The following RALGAPA1 variants were observed in gnomAD, a reference collection of about 807,000 sequenced individuals.
RALGAPA1 encodes ral GTPase-activating protein subunit alpha-1.
RALGAPA1 carries 52 observed loss-of-function variants against 269.6 expected under a neutral mutation model. The ratio of observed to expected loss-of-function variants is 0.19; its 90% CI spans 0.15 to 0.24. The LOEUF (loss-of-function observed/expected upper bound fraction) is 0.24. Among genes scored for constraint, RALGAPA1 ranks in the 10% least tolerant of loss-of-function variants. RALGAPA1 has a pLI of 1.00. For synonymous variants in RALGAPA1, 817 were observed against 1,008.3 expected (o/e 0.81, Z 3.60); for missense variants, 1,917 against 3,013.9 (o/e 0.64, Z 8.52).
intron 16 of RALGAPA1, among the ~76,000 whole-genome samples, chr14:35,705,256 C>T (rs915899932): frequency 6.6e-6 from 1 of 152,092 alleles, no homozygotes; most frequent in Non-Finnish European, 1.5e-5. Context: ...CACATATATA[C>T]CATTACAAGT....
intron 13 of RALGAPA1, among the ~76,000 whole-genome samples, chr14:35,726,421 A>G (rs1196093729): frequency 1.3e-5 from 2 of 152,222 alleles, no homozygotes; most frequent in African/African-American, 2.4e-5. Flanking sequence ...CTGTCAAACC[A>G]TAACTCACTC....
intron 1 of RALGAPA1, among the ~76,000 whole-genome samples, chr14:35,794,960 AAAGT>A (rs1201994280): frequency 1.3e-5 from 2 of 152,214 alleles, no homozygotes; most frequent in African/African-American, 2.4e-5. Context: ...TAAATATAAA[AAAGT>A]AAAAAATGGG....
At chr14:35,660,164 C>A (rs1305935350) in intron 27 of RALGAPA1, among the ~76,000 whole-genome samples, 2 of 152,046 alleles carry the variant, frequency 1.3e-5, no homozygotes, top group South Asian at 4.2e-4. Flanking sequence ...TATTGGAAGT[C>A]CTAGCCAGAG....
intron 11 of RALGAPA1, among the ~76,000 whole-genome samples, chr14:35,741,293 AT>A (rs1485836056): frequency 1.3e-5 from 2 of 152,222 alleles, no homozygotes; most frequent in Non-Finnish European, 2.9e-5. Context: ...CAGCATAAAA[AT>A]ATCAATAAAT....
intron 37 of RALGAPA1, among the ~76,000 whole-genome samples, chr14:35,574,569 G>A (rs2057420277): frequency 6.6e-6 from 1 of 152,106 alleles, no homozygotes; most frequent in East Asian, 1.9e-4. Flanking sequence ...ATTTTAGGCT[G>A]TCATAATGAG....
chr14:35,721,957 T>C (rs1024785050), intron 15 of RALGAPA1, 108 bp from the exon 16 acceptor site: 8 of 878,452 alleles, frequency 9.1e-6, no homozygotes, highest in African/African-American at 3.5e-5. Context: ...ACATAAATTA[T>C]AAAGTAATAA....
At chr14:35,560,839 T>G (rs757837435) in intron 39 of RALGAPA1, among the ~76,000 whole-genome samples, 4 of 152,160 alleles carry the variant, frequency 2.6e-5, no homozygotes, top group Non-Finnish European at 5.9e-5. Context: ...TATCACAAAG[T>G]TATTACATAT....
intron 16 of RALGAPA1, among the ~76,000 whole-genome samples, chr14:35,719,874 C>G (rs1422124672): frequency 6.6e-6 from 1 of 152,076 alleles, no homozygotes; most frequent in Non-Finnish European, 1.5e-5. Context: ...CCTCAGCCTC[C>G]CGAGCAGCTG....
chr14:35,619,779 C>G (rs952232662), intron 35 of RALGAPA1, among the ~76,000 whole-genome samples: 1 of 152,056 alleles, frequency 6.6e-6, no homozygotes, highest in African/African-American at 2.4e-5. Context: ...ACACATACAC[C>G]CTCCCAGGAC....
At chr14:35,733,531 T>C (rs1248257819) in intron 12 of RALGAPA1, among the ~76,000 whole-genome samples, 1 of 151,828 alleles carries the variant, frequency 6.6e-6, no homozygotes, top group African/African-American at 2.4e-5. Flanking sequence ...TGAACGACAA[T>C]AATGACACAA....
At chr14:35,632,932 TAGCTCAC>T (rs576212724) in intron 33 of RALGAPA1, among the ~76,000 whole-genome samples, 4 of 152,220 alleles carry the variant, frequency 2.6e-5, no homozygotes, top group Non-Finnish European at 5.9e-5. Flanking sequence ...CATGTGCTGT[TAGCTCAC>T]AGCTGTTCCT....
At chr14:35,796,799 G>A (rs1174781792) in intron 1 of RALGAPA1, among the ~76,000 whole-genome samples, 1 of 147,456 alleles carries the variant, frequency 6.8e-6, no homozygotes, top group Non-Finnish European at 1.5e-5. Context: ...TTTTTTTTTT[G>A]AGATGGAGTC....
intron 10 of RALGAPA1, among the ~76,000 whole-genome samples, chr14:35,744,076 T>C (rs1032278129): frequency 1.3e-5 from 2 of 152,096 alleles, no homozygotes; most frequent in Non-Finnish European, 2.9e-5. Flanking sequence ...TAGGTGCAAA[T>C]AGAATTAAAT....
At chr14:35,658,419 A>T (rs766754024) in intron 28 of RALGAPA1, among the ~76,000 whole-genome samples, 4 of 152,104 alleles carry the variant, frequency 2.6e-5, no homozygotes, top group Non-Finnish European at 5.9e-5. Flanking sequence ...ATGATTGGAA[A>T]ACAGGAGCTT....
Position 35,725,064 on chromosome 14 carries a change from T to C in RALGAPA1, c.1826A>G (p.Asn609Ser). 1 of 1,593,250 alleles carries C rather than the reference T, an allele frequency of 6.3e-7. No homozygotes were observed. The highest frequency in any genetic ancestry group is 8.6e-7 in the Non-Finnish European group (1 of 1,168,642). The change falls in exon 14 of 42, where the codon AAT becomes AGT. Residue 609 changes from asparagine to serine, a missense_variant. Asn to Ser is a conservative substitution (Grantham distance 46). Transcript: ENST00000680220. ...QAFLQFQGKK[N>S]MTLAGRLAGP... is the part of the protein sequence containing the mutation. ...TGCAAGTCGACCTGCCAAGGTCATA[T>C]TTTTTTTCCCTTGGAACTGTAGAAA... is the stretch of plus-strand genomic sequence containing the variant.
chr14:35,794,092 ATACAT>A (rs2076385677), intron 1 of RALGAPA1, among the ~76,000 whole-genome samples: 2 of 152,198 alleles, frequency 1.3e-5, no homozygotes, highest in Admixed American at 1.3e-4. Flanking sequence ...ATTAAAGAAC[ATACAT>A]TACATTATAT....
intron 15 of RALGAPA1, 112 bp from the exon 16 acceptor site, chr14:35,721,961 G>C: frequency 1.2e-6 from 1 of 848,598 alleles, no homozygotes; most frequent in South Asian, 1.7e-5. Flanking sequence ...AAATTATAAA[G>C]TAATAAGACA....
At chr14:35,563,020 C>CAAAAAAAAAAAAAA (rs71445944) in intron 39 of RALGAPA1, among the ~76,000 whole-genome samples, 8 of 37,256 alleles carry the variant, frequency 2.1e-4, no homozygotes, top group South Asian at 2.5e-3. Flanking sequence ...GAGTCCGTCT[C>CAAAAAAAAAAAAAA]AAAAAAAAAA....
intron 16 of RALGAPA1, chr14:35,716,271 T>C (rs895762303): frequency 6.2e-6 from 1 of 161,398 alleles, no homozygotes; most frequent in Non-Finnish European, 1.3e-5. Context: ...TGTGCGCCTA[T>C]AGTCCCAGCT....
Sources: allele counts gnomAD v4.1 joint callset (sites outside exome capture counted in the v4.1 genomes callset), GRCh38; gene constraint gnomAD v4.1.1; transcripts MANE v1.5; gene names NCBI Gene and HGNC (gene_info 2026-07-23, HGNC 2026-07-21).